TRHDE: variants seen among roughly 807,000 people sequenced by gnomAD.
TRHDE encodes thyrotropin releasing hormone degrading enzyme.
Under a neutral mutation model 125.7 loss-of-function variants are expected in TRHDE, and 72 were observed. The ratio of observed to expected loss-of-function variants is 0.57; its 90% confidence interval spans 0.47 to 0.70. TRHDE has a LOEUF of 0.70. Among genes scored for constraint, TRHDE ranks in the 30% least tolerant of loss-of-function variants. TRHDE has a pLI of 0.00. For missense variants in TRHDE, 1,110 were observed against 1,327.1 expected, an observed-to-expected ratio of 0.84 and a Z score of 2.54; for synonymous variants, 509 against 509.1, an observed-to-expected ratio of 1.00 and a Z score of 0.00.
intron 17 of TRHDE, 97 bp downstream of exon 17, chr12:72,653,253 G>T: frequency 1.1e-6 from 1 of 897,850 alleles, no homozygotes; most frequent in South Asian, 2.8e-5. Context: ...CCATGCAATA[G>T]GTTTAGATAT....
intron 2 of TRHDE, among the ~76,000 whole-genome samples, chr12:72,218,361 C>A (rs1877935866): frequency 6.6e-6 from 1 of 152,114 alleles, no homozygotes; most frequent in Admixed American, 6.6e-5. Context: ...CTTTGATATT[C>A]TTCTTCTGAC....
chr12:72,320,527 G>C, intron 2 of TRHDE, among the ~76,000 whole-genome samples: 1 of 141,318 alleles, frequency 7.1e-6, no homozygotes, highest in East Asian at 2.1e-4. Context: ...TAGAACCTAT[G>C]GATACAGAGG....
intron 1 of TRHDE, among the ~76,000 whole-genome samples, chr12:72,275,635 C>A (rs1879459074): frequency 6.6e-6 from 1 of 152,148 alleles, no homozygotes; most frequent in East Asian, 1.9e-4. Context: ...GAAATAAATG[C>A]TTTTGAAAAA....
chr12:72,605,411 T>C (rs1344835264), intron 12 of TRHDE, among the ~76,000 whole-genome samples: 1 of 152,120 alleles, frequency 6.6e-6, no homozygotes, highest in Non-Finnish European at 1.5e-5. Context: ...TTTCTTTCAG[T>C]TACTATTTAG....
At chr12:72,619,528 G>T (rs1025243994) in intron 13 of TRHDE, among the ~76,000 whole-genome samples, 9 of 152,122 alleles carry the variant, frequency 5.9e-5, no homozygotes, top group Non-Finnish European at 2.9e-5. Context: ...AGGGGATACA[G>T]GAAAGCAAAC....
chr12:72,484,774 G>A (rs902491720), intron 5 of TRHDE, among the ~76,000 whole-genome samples: 1 of 152,168 alleles, frequency 6.6e-6, no homozygotes. Flanking sequence ...AATCCTAAAG[G>A]TTGGTTGTCA....
intron 12 of TRHDE, among the ~76,000 whole-genome samples, chr12:72,614,748 C>T (rs1328269430): frequency 6.6e-6 from 1 of 151,962 alleles, no homozygotes; most frequent in Non-Finnish European, 1.5e-5. Flanking sequence ...TTAAAGAAAA[C>T]TCACAGTTAA....
chr12:72,459,632 A>G (rs908637400), intron 3 of TRHDE, among the ~76,000 whole-genome samples: 1 of 151,828 alleles, frequency 6.6e-6, no homozygotes, highest in Non-Finnish European at 1.5e-5. Context: ...CATTTTTTTT[A>G]TTCTTTTAGA....
intron 3 of TRHDE, among the ~76,000 whole-genome samples, chr12:72,397,035 T>C (rs1253293941): frequency 6.6e-6 from 1 of 152,242 alleles, no homozygotes; most frequent in Non-Finnish European, 1.5e-5. Flanking sequence ...TCTAATTTCT[T>C]ATTTGAAATT....
At chr12:72,474,300 G>T (rs1444534221) in intron 5 of TRHDE, among the ~76,000 whole-genome samples, 1 of 152,054 alleles carries the variant, frequency 6.6e-6, no homozygotes. Flanking sequence ...CATAAGATCT[G>T]CCCTTCAGGA....
intron 6 of TRHDE, among the ~76,000 whole-genome samples, chr12:72,533,723 G>GTT: frequency 1.0e-4 from 10 of 97,900 alleles, no homozygotes; most frequent in South Asian, 6.8e-4. Flanking sequence ...TTTTCTATTT[G>GTT]TTTTTTTTTT....
At chr12:72,178,094 C>A (rs2139339665) in intron 2 of TRHDE, among the ~76,000 whole-genome samples, 1 of 152,168 alleles carries the variant, frequency 6.6e-6, no homozygotes, top group African/African-American at 2.4e-5. Context: ...AATGTTTGTG[C>A]CTTTGCTTTG....
intron 2 of TRHDE, among the ~76,000 whole-genome samples, chr12:72,142,453 C>T (rs1876133303): frequency 6.6e-6 from 1 of 152,110 alleles, no homozygotes; most frequent in Non-Finnish European, 1.5e-5. Context: ...CATGGATACA[C>T]TTGGGGTAAC....
intron 2 of TRHDE, among the ~76,000 whole-genome samples, chr12:72,196,210 T>A (rs1278083490): frequency 6.6e-6 from 1 of 152,168 alleles, no homozygotes; most frequent in Non-Finnish European, 1.5e-5. Context: ...CTATTCAGGC[T>A]CTTTTTTGGT....
intron 2 of TRHDE, among the ~76,000 whole-genome samples, chr12:72,231,468 CTT>C (rs140558275): frequency 0.019 from 2,887 of 152,214 alleles, 39 homozygotes; most frequent in South Asian, 0.039. Context: ...AGGAAATTAA[CTT>C]ATTAAATTCC....
At chr12:72,175,006 C>A (rs1201065008) in intron 2 of TRHDE, among the ~76,000 whole-genome samples, 7 of 151,614 alleles carry the variant, frequency 4.6e-5, no homozygotes. Flanking sequence ...GGTAAGAACA[C>A]AACCTGAGAT....
chr12:72,567,164 TAA>T (rs61363878), intron 9 of TRHDE, among the ~76,000 whole-genome samples: 40,275 of 151,684 alleles, frequency 0.27, 8,045 homozygotes, highest in African/African-American at 0.54. Context: ...AAGTATTTGT[TAA>T]AGAGTTTACA....
chr12:72,520,413 G>A (rs1417041417), intron 6 of TRHDE, among the ~76,000 whole-genome samples: 1 of 152,140 alleles, frequency 6.6e-6, no homozygotes, highest in Non-Finnish European at 1.5e-5. Context: ...TCCAGGTGCC[G>A]ACCGTCACGC....
chr12:72,258,478 A>C (rs1311280873), intron 2 of TRHDE, among the ~76,000 whole-genome samples: 1 of 152,188 alleles, frequency 6.6e-6, no homozygotes, highest in African/African-American at 2.4e-5. Context: ...TGGCTTATAT[A>C]ACTTTAGAGC....
Sources: gnomAD v4.1 joint callset for allele counts (sites outside exome capture counted in the v4.1 genomes callset) on GRCh38, gnomAD v4.1.1 for gene constraint, MANE v1.5 for transcripts, NCBI Gene and HGNC (gene_info 2026-07-23, HGNC 2026-07-21) for gene names.